KCNMA1: variants seen among roughly 807,000 people sequenced by gnomAD.
KCNMA1 encodes the protein Calcium-activated potassium channel subunit alpha-1.
In KCNMA1, 29 loss-of-function variants were observed where a neutral mutation model predicts 140.0. The ratio of observed to expected loss-of-function variants is 0.21; its 90% CI spans 0.15 to 0.28. The LOEUF is 0.28. KCNMA1 is among the 10% of genes least tolerant of loss of function. The pLI is 1.00. For synonymous variants in KCNMA1, 612 were observed against 611.9 expected (o/e 1.00, Z 0.00); for missense variants, 880 against 1,602.2 (o/e 0.55, Z 7.70).
At chr10:77,248,203 G>C (rs1040201144) in intron 3 of KCNMA1, among the ~76,000 whole-genome samples, 1 of 152,176 alleles carries the variant, frequency 6.6e-6, no homozygotes, top group African/African-American at 2.4e-5. Context: ...TTGTCCACTT[G>C]CACAACTGGA....
chr10:76,975,659 T>G (rs2077268145), intron 19 of KCNMA1, among the ~76,000 whole-genome samples: 1 of 152,174 alleles, frequency 6.6e-6, no homozygotes, highest in African/African-American at 2.4e-5. Flanking sequence ...GTGGGCAGTA[T>G]CAGGGTGCAG....
At chr10:77,565,369 C>CCCAAATTACTAT (rs1555456105) in intron 1 of KCNMA1, among the ~76,000 whole-genome samples, 1 of 151,982 alleles carries the variant, frequency 6.6e-6, no homozygotes, top group Non-Finnish European at 1.5e-5. Flanking sequence ...AGCACATTTT[C>CCCAAATTACTAT]CCAAATTGCT....
intron 24 of KCNMA1, 145 bp downstream of exon 24, chr10:76,914,791 C>A: frequency 1.5e-6 from 1 of 680,012 alleles, no homozygotes. Context: ...ATATTTCTCC[C>A]CATACCTTCC....
chr10:77,380,148 T>C (rs1034135866), intron 2 of KCNMA1, among the ~76,000 whole-genome samples: 3 of 152,200 alleles, frequency 2.0e-5, no homozygotes, highest in African/African-American at 7.2e-5. Flanking sequence ...ATTTTGGAAA[T>C]TTTATGTTGT....
At chr10:77,517,245 C>T (rs188567135) in intron 1 of KCNMA1, among the ~76,000 whole-genome samples, 1 of 152,260 alleles carries the variant, frequency 6.6e-6, no homozygotes, top group East Asian at 1.9e-4. Flanking sequence ...AAAGCAGTGT[C>T]ACCGGAACCC....
At chr10:77,428,796 A>G (rs750943272) in intron 1 of KCNMA1, among the ~76,000 whole-genome samples, 10 of 152,226 alleles carry the variant, frequency 6.6e-5, no homozygotes, top group Non-Finnish European at 8.8e-5. Context: ...CTGTGATTTT[A>G]AAACTTCATA....
chr10:77,617,115 C>T (rs2089846868), intron 1 of KCNMA1, among the ~76,000 whole-genome samples: 2 of 152,184 alleles, frequency 1.3e-5, no homozygotes, highest in Admixed American at 6.5e-5. Flanking sequence ...GTTTGAGACC[C>T]TGTTTTCTCA....
chr10:77,467,741 G>GGGCCAGTT (rs2154527118), intron 1 of KCNMA1, among the ~76,000 whole-genome samples: 1 of 151,006 alleles, frequency 6.6e-6, no homozygotes, highest in East Asian at 2.0e-4. Context: ...AGGCACAGCA[G>GGGCCAGTT]GGCCACTTGG....
intron 3 of KCNMA1, among the ~76,000 whole-genome samples, chr10:77,227,034 C>T (rs2051707105): frequency 6.6e-6 from 1 of 152,084 alleles, no homozygotes; most frequent in South Asian, 2.1e-4. Flanking sequence ...GCTGACTTCC[C>T]CTTTGCCTGG....
intron 2 of KCNMA1, among the ~76,000 whole-genome samples, chr10:77,305,461 C>T (rs2077470218): frequency 6.6e-6 from 1 of 152,076 alleles, no homozygotes; most frequent in Non-Finnish European, 1.5e-5. Context: ...AGATCACAAG[C>T]CAAGGAGTAG....
chr10:77,394,196 C>G (rs2154447190), intron 2 of KCNMA1, among the ~76,000 whole-genome samples: 1 of 152,336 alleles, frequency 6.6e-6, no homozygotes, highest in East Asian at 1.9e-4. Flanking sequence ...TGGCCAGGAT[C>G]AAGTGGGCTG....
intron 1 of KCNMA1, among the ~76,000 whole-genome samples, chr10:77,578,481 T>C (rs2673417): frequency 0.31 from 47,730 of 152,008 alleles, 7,961 homozygotes; most frequent in Non-Finnish European, 0.38. Context: ...AAATGCCCTC[T>C]AGAGAAGGGT....
chr10:77,425,105 ATGAG>A (rs1425275236), intron 1 of KCNMA1, among the ~76,000 whole-genome samples: 20 of 147,800 alleles, frequency 1.4e-4, no homozygotes, highest in African/African-American at 5.1e-4. Flanking sequence ...GGATGGATGG[ATGAG>A]TGGATGGATG....
At chr10:76,971,151 C>A (rs1051170692) in intron 19 of KCNMA1, among the ~76,000 whole-genome samples, 2 of 152,096 alleles carry the variant, frequency 1.3e-5, no homozygotes, top group Admixed American at 1.3e-4. Flanking sequence ...AAAATAAGAT[C>A]TTTGGATTCT....
intron 2 of KCNMA1, among the ~76,000 whole-genome samples, chr10:77,253,497 G>C (rs1236869265): frequency 6.6e-6 from 1 of 152,246 alleles, no homozygotes; most frequent in African/African-American, 2.4e-5. Context: ...TGCTCCAGCT[G>C]CCTCCACTTG....
intron 9 of KCNMA1, among the ~76,000 whole-genome samples, chr10:77,092,583 T>C (rs780835031): frequency 3.7e-4 from 56 of 152,148 alleles, no homozygotes; most frequent in Non-Finnish European, 1.6e-4. Context: ...GTAAGCCAGA[T>C]GTGATTCCCT....
chr10:77,105,905 G>A (rs1216215163), intron 9 of KCNMA1, among the ~76,000 whole-genome samples: 2 of 152,122 alleles, frequency 1.3e-5, no homozygotes, highest in East Asian at 3.9e-4. Flanking sequence ...AAAACTTATT[G>A]ATTCTGACAG....
chr10:76,915,672 C>T (rs1452786661), intron 23 of KCNMA1, among the ~76,000 whole-genome samples: 1 of 152,126 alleles, frequency 6.6e-6, no homozygotes, highest in East Asian at 1.9e-4. Flanking sequence ...CTGACTGTTA[C>T]CGTAAACCAA....
chr10:76,953,608 T>A (rs1034466352), intron 21 of KCNMA1, among the ~76,000 whole-genome samples, 193 bp downstream of exon 21: 1 of 152,192 alleles, frequency 6.6e-6, no homozygotes, highest in Admixed American at 6.5e-5. Flanking sequence ...ATTCAGAGAT[T>A]GAAAAATCTG....
Sources: gnomAD v4.1 joint callset for allele counts (sites outside exome capture counted in the v4.1 genomes callset) on GRCh38, gnomAD v4.1.1 for gene constraint, MANE v1.5 for transcripts, NCBI Gene and HGNC (gene_info 2026-07-23, HGNC 2026-07-21) for gene names.